The following CMIP variants were observed in gnomAD, a reference collection of about 807,000 sequenced individuals.
The protein encoded by CMIP is c-Maf inducing protein, also known as C-Maf-inducing protein.
Under a neutral mutation model 97.3 loss-of-function variants are expected in CMIP, and 13 were observed. That is an observed-to-expected ratio of 0.13 (90% CI 0.09 to 0.21). The LOEUF is 0.21. Among genes scored for constraint, CMIP ranks in the 10% least tolerant of loss-of-function variants. CMIP has a pLI of 1.00. For missense variants in CMIP, 847 were observed against 1,024.9 expected (o/e 0.83, Z 2.37); for synonymous variants, 538 against 436.3 (o/e 1.23, Z -2.91).
At chr16:81,473,948 A>G (rs1907722255) in intron 1 of CMIP, among the ~76,000 whole-genome samples, 1 of 151,996 alleles carries the variant, frequency 6.6e-6, no homozygotes, top group Non-Finnish European at 1.5e-5. Context: ...GACTTACCAC[A>G]GGCCTGGCTC....
intron 1 of CMIP, among the ~76,000 whole-genome samples, chr16:81,530,844 C>T (rs761632106): frequency 6.6e-6 from 1 of 152,152 alleles, no homozygotes. Context: ...AGTTCAGCTT[C>T]TTCTGCATAA....
chr16:81,538,895 T>G (rs1033446154), intron 1 of CMIP, among the ~76,000 whole-genome samples: 2 of 152,218 alleles, frequency 1.3e-5, no homozygotes, highest in African/African-American at 2.4e-5. Context: ...GTGTTCATTT[T>G]AAATTAAAAT....
rs1352892656 is a variant in CMIP, at chr16:81,614,680, A to G, written c.427-6196A>G. Reference sequence around the variant, plus strand: ...GTGTGTATGTATGTCTGTATGGTTTATGTGTGTGTGTGTGTGTATGGTATG... The same window carrying G: ...GTGTGTATGTATGTCTGTATGGTTTGTGTGTGTGTGTGTGTGTATGGTATG... On this transcript the variant is annotated intron_variant, in intron 2 of 20. Coordinates refer to ENST00000537098, the MANE Select transcript of CMIP (RefSeq NM_198390.3). This position sits in a 1 kb window ranked among gnomAD's most constrained non-coding sequence, Gnocchi z 5.3. Among the ~76,000 whole-genome samples, 3 of 149,622 alleles carry G rather than the reference A, an allele frequency of 2.0e-5. No individual in the cohort carries two copies. Among genetic ancestry groups the G allele is most frequent in the Non-Finnish European group, 4.5e-5 (3 of 67,262 alleles).
chr16:81,584,405 T>C (rs761490578), intron 1 of CMIP, among the ~76,000 whole-genome samples: 11 of 152,254 alleles, frequency 7.2e-5, no homozygotes, highest in Non-Finnish European at 1.3e-4. Flanking sequence ...AGACTCTTAA[T>C]CCAGTTTTTA....
chr16:81,573,350 T>TAA (rs201984837), intron 1 of CMIP, among the ~76,000 whole-genome samples: 2 of 116,708 alleles, frequency 1.7e-5, no homozygotes, highest in South Asian at 2.7e-4. Context: ...TCTCAAAAAA[T>TAA]AAAAAAAAAA....
intron 1 of CMIP, among the ~76,000 whole-genome samples, chr16:81,461,463 G>A (rs1359761613): frequency 6.6e-6 from 1 of 152,136 alleles, no homozygotes; most frequent in African/African-American, 2.4e-5. Context: ...ATCAACCCTA[G>A]CGTAATTAGT....
intron 1 of CMIP, among the ~76,000 whole-genome samples, chr16:81,522,551 C>G (rs1001267569): frequency 2.6e-5 from 4 of 152,182 alleles, no homozygotes; most frequent in Non-Finnish European, 5.9e-5. Flanking sequence ...AAAGAATAAA[C>G]ACACAATTTA....
At chr16:81,516,621 C>G (rs543280753) in intron 1 of CMIP, among the ~76,000 whole-genome samples, 1 of 152,210 alleles carries the variant, frequency 6.6e-6, no homozygotes, top group East Asian at 1.9e-4. Flanking sequence ...CGTCAGTGCG[C>G]GGGCACTTGT....
chr16:81,619,719 C>A (rs1416995843), intron 2 of CMIP: 1 of 152,162 alleles, frequency 6.6e-6, no homozygotes. Flanking sequence ...GGGTTCAATT[C>A]CTGGCCCCGC....
At chr16:81,466,646 C>T (rs1907224100) in intron 1 of CMIP, among the ~76,000 whole-genome samples, 1 of 152,172 alleles carries the variant, frequency 6.6e-6, no homozygotes, top group Non-Finnish European at 1.5e-5. Flanking sequence ...AATCTGATGG[C>T]TACATGCTTT....
At position 81,614,401 on chromosome 16, in the gene CMIP, C is replaced by T. The variant is rs895936066; in HGVS notation, c.427-6475C>T. ...GTTCTCAGGGGCTCCCACGCGCGGG[C>T]CACGGGTCACTTCAGCATGACATCA... is the stretch of plus-strand genomic sequence containing the variant. On this transcript the variant is annotated intron_variant, in intron 2 of 20. Transcript: ENST00000537098. The surrounding 1 kb of genome is among the most constrained non-coding windows in gnomAD (Gnocchi z 5.3). 6.6e-6 allele frequency among the ~76,000 whole-genome samples: 1 copy of T among 152,150 alleles called. No individual in the cohort carries two copies. The highest frequency in any genetic ancestry group is 1.9e-4 in the East Asian group (1 of 5,202).
chr16:81,599,985 T>TA (rs1320397573), intron 1 of CMIP, among the ~76,000 whole-genome samples: 2 of 151,898 alleles, frequency 1.3e-5, no homozygotes, highest in African/African-American at 4.8e-5. Context: ...CTGTCATCAT[T>TA]AAAAAAAGAT....
chr16:81,705,875 C>T (rs1282503295), intron 19 of CMIP, among the ~76,000 whole-genome samples: 1 of 152,206 alleles, frequency 6.6e-6, no homozygotes, highest in Non-Finnish European at 1.5e-5. Context: ...TCTTGACACT[C>T]ACAGTCCACT....
At chr16:81,456,915 T>G (rs1410576985) in intron 1 of CMIP, among the ~76,000 whole-genome samples, 1 of 152,156 alleles carries the variant, frequency 6.6e-6, no homozygotes, top group South Asian at 2.1e-4. Context: ...CAGACCCATC[T>G]CCGGAGGAGC....
At chr16:81,498,423 A>G (rs1597477783) in intron 1 of CMIP, among the ~76,000 whole-genome samples, 1 of 151,950 alleles carries the variant, frequency 6.6e-6, no homozygotes, top group African/African-American at 2.4e-5. Context: ...CTGGGTCCTC[A>G]CCTCTGCACC....
chr16:81,600,275 G>GAA (rs71146022), intron 1 of CMIP, among the ~76,000 whole-genome samples: 6,440 of 81,590 alleles, frequency 0.079, 485 homozygotes, highest in African/African-American at 0.19. Context: ...GACTCCATCT[G>GAA]AAAAAAAAAA....
At position 81,705,528 on chromosome 16, in the gene CMIP, G is replaced by A. The variant is rs376548023; in HGVS notation, c.2121G>A (p.Ser707=). 10 of 1,608,256 alleles carry A rather than the reference G, an allele frequency of 6.2e-6. No individual in the cohort carries two copies. The highest frequency in any genetic ancestry group is 1.7e-5 in the Admixed American group (1 of 59,532). Residue 707 remains serine, a synonymous_variant, in exon 19 of 21, where the codon TCG becomes TCA. Transcript: ENST00000537098. ...GAGACGCTGGCCTTCGGCTCCTGTC[G>A]GAACACCTCACCATGCTCCAGGTGC... The part of the protein sequence containing the change: ...QFGDAGLRLL[S]EHLTMLQVLN...
intron 1 of CMIP, among the ~76,000 whole-genome samples, chr16:81,521,445 G>A (rs550375020): frequency 1.3e-4 from 20 of 152,098 alleles, no homozygotes; most frequent in South Asian, 2.1e-4. Flanking sequence ...ACCGGTGACC[G>A]CCAAGGTCGG....
rs112937160 is a variant in CMIP at position 81,683,484 on chromosome 16, G to T, written c.1388+4856G>T. On this transcript the variant is annotated intron_variant, in intron 10 of 20. Transcript: ENST00000537098. The stretch of plus-strand genomic sequence containing the variant: ...CGCTCACTGCAACCTCTGCCCCCCA[G>T]GTTCAAGCCATTCTCCTGCCTCAGC... 6.1e-3 allele frequency among the ~76,000 whole-genome samples: 924 copies of T among 152,282 alleles called. 4 individuals carry two copies. The highest frequency in any genetic ancestry group is 0.011 in the Non-Finnish European group (726 of 68,008).
Sources: gnomAD v4.1 joint callset for allele counts (sites outside exome capture counted in the v4.1 genomes callset) on GRCh38, gnomAD v4.1.1 for gene constraint, Gnocchi (gnomAD v3.1) non-coding constraint, MANE v1.5 for transcripts, NCBI Gene and HGNC (gene_info 2026-07-23, HGNC 2026-07-21) for gene names.